The following GRIA3 variants were observed in gnomAD, a reference collection of about 807,000 sequenced individuals.
GRIA3 encodes the protein glutamate ionotropic receptor AMPA type subunit 3, also known as glutamate receptor 3.
GRIA3 carries 3 observed loss-of-function variants against 63.0 expected under a neutral mutation model. The observed-to-expected ratio is 0.05, with a 90% CI of 0.02 to 0.12. The LOEUF (loss-of-function observed/expected upper bound fraction) is 0.12. GRIA3 is among the 10% of genes least tolerant of loss of function. The pLI is 1.00. For synonymous variants in GRIA3, 274 were observed against 257.9 expected (o/e 1.06, Z -0.60); for missense variants, 347 against 700.9 (o/e 0.50, Z 5.70).
chrX:123,207,965 C>A (rs1177127984), intron 2 of GRIA3, among the ~76,000 whole-genome samples: 1 of 112,237 alleles, frequency 8.9e-6, no homozygotes, highest in Non-Finnish European at 1.9e-5. Flanking sequence ...CAGGCAGGGC[C>A]AACACACAAA....
intron 3 of GRIA3, among the ~76,000 whole-genome samples, chrX:123,302,736 T>C (rs1278247204): frequency 9.0e-6 from 1 of 111,417 alleles, no homozygotes; most frequent in Non-Finnish European, 1.9e-5. Flanking sequence ...AAGGGTAACA[T>C]TGGCCTGTGT....
rs756379779 is a variant in GRIA3, at chrX:123,434,627, A to G, written c.2076+6488A>G. Reference sequence around the variant, plus strand: ...ATACACAGCAAGAGCCATAGACCTTATAGGTCAAGACTGGAGACAGAGCAA... The same window carrying G: ...ATACACAGCAAGAGCCATAGACCTTGTAGGTCAAGACTGGAGACAGAGCAA... On this transcript the variant is annotated intron_variant, in intron 12 of 15. Coordinates refer to ENST00000620443, the MANE Select transcript of GRIA3 (RefSeq NM_007325.5). 4.5e-5 allele frequency among the ~76,000 whole-genome samples: 5 copies of G among 111,912 alleles called. No individual in the cohort carries two copies. The Admixed American group carries it at 4.7e-4, about 11-fold the overall frequency.
rs890286218 is a variant in GRIA3, at chrX:123,197,440, G to C, written c.268+11450G>C. Among the ~76,000 whole-genome samples, 8 of 111,715 alleles carry C rather than the reference G, an allele frequency of 7.2e-5. No individual in the cohort carries two copies. The South Asian group carries it at 2.7e-3, about 37-fold the overall frequency. On this transcript the variant is annotated intron_variant, in intron 2 of 15. Transcript: ENST00000620443. ...CTCAGGAGTCTGAGGCAGGAGAATC[G>C]CTTGAACCCAGGAGACGGAGGTTGC...
At chrX:123,403,634 A>G in intron 9 of GRIA3, 115 bp downstream of exon 9, 1 of 561,262 alleles carries the variant, frequency 1.8e-6, no homozygotes. Flanking sequence ...AACTTCCAAC[A>G]GGGAAGCTCA....
At chrX:123,450,984 G>T (rs1049519530) in intron 12 of GRIA3, among the ~76,000 whole-genome samples, 1 of 112,093 alleles carries the variant, frequency 8.9e-6, no homozygotes, top group Admixed American at 9.5e-5. Context: ...TGAGGAAGAA[G>T]GTCCATGTGC....
chrX:123,324,499 A>G (rs781469284), intron 3 of GRIA3, among the ~76,000 whole-genome samples: 4 of 111,796 alleles, frequency 3.6e-5, no homozygotes, highest in Admixed American at 9.5e-5. Context: ...TTATTTCTCA[A>G]TCCCATGCCT....
intron 10 of GRIA3, among the ~76,000 whole-genome samples, chrX:123,417,076 A>G (rs1029481954): frequency 8.0e-5 from 9 of 112,241 alleles, no homozygotes; most frequent in Non-Finnish European, 1.5e-4. Context: ...CGAGAGTTAA[A>G]TAGTGACATG....
chrX:123,354,628 G>C (rs1351249438), intron 4 of GRIA3, among the ~76,000 whole-genome samples: 1 of 111,487 alleles, frequency 9.0e-6, no homozygotes, highest in Non-Finnish European at 1.9e-5. Context: ...GGGATCTTCA[G>C]CTTCATCACT....
intron 12 of GRIA3, among the ~76,000 whole-genome samples, chrX:123,462,452 C>A (rs1230161645): frequency 1.8e-5 from 2 of 111,848 alleles, no homozygotes; most frequent in Non-Finnish European, 3.8e-5. Flanking sequence ...TTTGTGCAAA[C>A]CAAATGTGTT....
At chrX:123,303,750 C>T (rs1236946894) in intron 3 of GRIA3, among the ~76,000 whole-genome samples, 2 of 110,754 alleles carry the variant, frequency 1.8e-5, no homozygotes, top group Non-Finnish European at 3.8e-5. Flanking sequence ...CCCATTAGCC[C>T]CCAAAGCCCC....
At chrX:123,465,331 G>C (rs777360984) in intron 13 of GRIA3, among the ~76,000 whole-genome samples, 20 of 111,129 alleles carry the variant, frequency 1.8e-4, no homozygotes, top group Non-Finnish European at 3.8e-4. Context: ...CTCTCTGACT[G>C]TTTGTTGCTG....
intron 15 of GRIA3, among the ~76,000 whole-genome samples, chrX:123,488,137 C>G (rs1001244376): frequency 2.7e-5 from 3 of 112,047 alleles, no homozygotes; most frequent in African/African-American, 9.8e-5. Context: ...GGGCAAAGAC[C>G]GCATTGATGC....
At chrX:123,201,871 C>T (rs1016399478) in intron 2 of GRIA3, among the ~76,000 whole-genome samples, 8 of 111,485 alleles carry the variant, frequency 7.2e-5, no homozygotes, top group Non-Finnish European at 5.6e-5. Flanking sequence ...AGTGATGGGT[C>T]GGGGGAGGAT....
chrX:123,395,007 G>A lies in GRIA3; in HGVS notation c.790G>A (p.Gly264Arg). 1 of 1,192,385 alleles carries A rather than the reference G, an allele frequency of 8.4e-7. No individual in the cohort carries two copies. Among genetic ancestry groups the A allele is most frequent in the Non-Finnish European group, 1.1e-6 (1 of 877,947 alleles). The stretch of plus-strand genomic sequence containing the variant: ...TTTACTGGAAAGAGTCATGCATGGG[G>A]GAGCCAACATTACAGGTTTCCAGAT... ...DILLERVMHGGANITGFQIVN... is the reference protein window; with the variant it reads ...DILLERVMHGRANITGFQIVN... Residue 264 changes from glycine (G) to arginine (R), a missense_variant, in exon 6 of 16, where the codon GGA becomes AGA. Around this residue, in one of 8 missense-constraint regions of GRIA3, gnomAD observed 113 missense variants for 130.6 expected, o/e 0.87. Transcript: ENST00000620443.
chrX:123,468,418 T>C (rs2045845682), intron 13 of GRIA3, among the ~76,000 whole-genome samples: 1 of 112,215 alleles, frequency 8.9e-6, no homozygotes, highest in Non-Finnish European at 1.9e-5. Context: ...TTATCAGGCA[T>C]GAGGACAAGA....
At chrX:123,344,120 A>G (rs188160996) in intron 4 of GRIA3, among the ~76,000 whole-genome samples, 2 of 111,453 alleles carry the variant, frequency 1.8e-5, no homozygotes, top group Non-Finnish European at 3.8e-5. Context: ...TCCAGAGTGC[A>G]CTCTTATCAT....
rs922799723 is a variant in GRIA3 at position 123,184,412 on chromosome X, G to C, written c.-124G>C. 6.9e-5 allele frequency: 40 copies of C among 576,099 alleles called. No homozygotes were observed. The highest frequency in any genetic ancestry group is 2.7e-4 in the East Asian group (8 of 29,837). 47.5% of individuals were successfully genotyped at this position (576,099 alleles called of 1,213,427 possible). A position where few individuals can be genotyped will look rare whatever the true frequency, so the allele number is the denominator to read the frequency against. On this transcript the variant is annotated 5_prime_UTR_variant, in exon 1 of 16. Transcript: ENST00000620443. ...GACTAGTGTGGGGTGGAAAGGAAGA[G>C]TGAGCGAGAGCAAGTTAAGGGGAGG... is the stretch of plus-strand genomic sequence containing the variant.
At chrX:123,304,148 A>G (rs1324093573) in intron 3 of GRIA3, among the ~76,000 whole-genome samples, 1 of 111,588 alleles carries the variant, frequency 9.0e-6, no homozygotes, top group Non-Finnish European at 1.9e-5. Context: ...TCAGTTGGTT[A>G]TATTTATCAA....
chrX:123,343,213 T>C (rs747661432), intron 4 of GRIA3, among the ~76,000 whole-genome samples: 18 of 111,646 alleles, frequency 1.6e-4, no homozygotes, highest in African/African-American at 5.9e-4. Context: ...CTCAGTACAT[T>C]TTAGCTAACG....
Sources: allele counts gnomAD v4.1 joint callset (sites outside exome capture counted in the v4.1 genomes callset), GRCh38; gene constraint gnomAD v4.1.1; regional missense constraint gnomAD v4.1.1; transcripts MANE v1.5; gene names NCBI Gene and HGNC (gene_info 2026-07-23, HGNC 2026-07-21).